DLGAP2: variants seen among roughly 807,000 people sequenced by gnomAD.
DLGAP2 encodes the protein disks large-associated protein 2.
In DLGAP2, 26 loss-of-function variants were observed where a neutral mutation model predicts 100.3. The ratio of observed to expected loss-of-function variants is 0.26; its 90% CI spans 0.19 to 0.36. The LOEUF (loss-of-function observed/expected upper bound fraction) is 0.36. Ranked by LOEUF, DLGAP2 falls within the 10% of genes least tolerant of loss-of-function variation. DLGAP2 has a pLI of 1.00. For synonymous variants in DLGAP2, 886 were observed against 630.1 expected (o/e 1.41, Z -6.08); for missense variants, 1,858 against 1,453.2 (o/e 1.28, Z -4.53).
chr8:1,433,564 G>A (rs895459790), intron 3 of DLGAP2, among the ~76,000 whole-genome samples: 1 of 152,184 alleles, frequency 6.6e-6, no homozygotes, highest in Non-Finnish European at 1.5e-5. Flanking sequence ...CACATTTGAA[G>A]AATAGTCCTA....
chr8:919,683 C>G (rs1026869383), intron 2 of DLGAP2, among the ~76,000 whole-genome samples: 2 of 152,170 alleles, frequency 1.3e-5, no homozygotes, highest in African/African-American at 4.8e-5. Flanking sequence ...GAGGAAACTG[C>G]ACCAGGGAAG....
chr8:1,514,850 A>G (rs1477306169), intron 4 of DLGAP2, among the ~76,000 whole-genome samples: 3 of 152,198 alleles, frequency 2.0e-5, no homozygotes, highest in Non-Finnish European at 4.4e-5. Context: ...GATGCCACCC[A>G]GAGTCTGACA....
intron 3 of DLGAP2, among the ~76,000 whole-genome samples, chr8:1,414,615 C>T (rs1268159519): frequency 1.3e-5 from 2 of 152,198 alleles, no homozygotes; most frequent in South Asian, 2.1e-4. Context: ...AGCGGAGCTG[C>T]CCGGCAGCTG....
intron 1 of DLGAP2, among the ~76,000 whole-genome samples, chr8:774,403 T>C (rs1172850506): frequency 6.6e-6 from 1 of 152,244 alleles, no homozygotes; most frequent in Non-Finnish European, 1.5e-5. Context: ...TTTTGGCGTT[T>C]TAGACATGAA....
intron 3 of DLGAP2, among the ~76,000 whole-genome samples, chr8:1,284,817 C>T (rs78452086): frequency 6.6e-6 from 1 of 152,222 alleles, no homozygotes; most frequent in African/African-American, 2.4e-5. Flanking sequence ...CACTGTGTTG[C>T]GTAGGCTGGT....
chr8:1,218,038 C>G (rs1798246750), intron 2 of DLGAP2, among the ~76,000 whole-genome samples: 1 of 152,134 alleles, frequency 6.6e-6, no homozygotes, highest in Admixed American at 6.6e-5. Flanking sequence ...TTCTCCCATT[C>G]TATAAGTTGT....
At chr8:1,320,299 G>A (rs1400012467) in intron 3 of DLGAP2, among the ~76,000 whole-genome samples, 2 of 152,084 alleles carry the variant, frequency 1.3e-5, no homozygotes, top group African/African-American at 4.8e-5. Flanking sequence ...ACACAAGGTG[G>A]CAGCTACCAG....
rs189821907 is a variant in DLGAP2, at chr8:854,067, G to C, written c.19-53845G>C. ...AGGCCCTCGGCAGAGAGTGGAATCC[G>C]CTGTGCCTGGTTGGTGGACTTCCAG... On this transcript the variant is annotated intron_variant, in intron 1 of 14. Transcript: ENST00000637795. Among the ~76,000 whole-genome samples the C allele has an allele frequency of 1.4e-4, 21 of 152,188 alleles. 1 individual carries two copies. The highest frequency in any genetic ancestry group is 5.1e-4 in the African/African-American group (21 of 41,434).
chr8:1,310,334 A>G (rs1388179311), intron 3 of DLGAP2, among the ~76,000 whole-genome samples: 1 of 152,244 alleles, frequency 6.6e-6, no homozygotes, highest in Non-Finnish European at 1.5e-5. Context: ...TTTTAAATAT[A>G]TATGTACCAA....
intron 2 of DLGAP2, among the ~76,000 whole-genome samples, chr8:1,257,811 T>A (rs1328455891): frequency 6.6e-6 from 1 of 152,214 alleles, no homozygotes; most frequent in Non-Finnish European, 1.5e-5. Context: ...AGTCTTGATA[T>A]CTGACGCACA....
At chr8:1,278,266 C>G (rs914131647) in intron 3 of DLGAP2, among the ~76,000 whole-genome samples, 56 of 152,158 alleles carry the variant, frequency 3.7e-4, no homozygotes, top group African/African-American at 1.3e-3. Context: ...AAAAGAAGAT[C>G]TATATTCTTT....
At chr8:1,693,655 C>A (rs1799309054) in intron 13 of DLGAP2, among the ~76,000 whole-genome samples, 1 of 152,134 alleles carries the variant, frequency 6.6e-6, no homozygotes, top group Non-Finnish European at 1.5e-5. Flanking sequence ...GCCAGAGTTG[C>A]CATCTCATGT....
intron 3 of DLGAP2, among the ~76,000 whole-genome samples, chr8:1,429,415 G>A (rs1217390569): frequency 1.3e-5 from 2 of 152,082 alleles, no homozygotes; most frequent in African/African-American, 2.4e-5. Flanking sequence ...GAGCTCATGG[G>A]GTCCAGGATT....
intron 3 of DLGAP2, among the ~76,000 whole-genome samples, chr8:1,487,870 C>T (rs948224934): frequency 1.3e-5 from 2 of 152,232 alleles, no homozygotes; most frequent in African/African-American, 4.8e-5. Context: ...TTACCCGTAA[C>T]TGGGAGGACA....
At chr8:1,209,760 T>A (rs950300840) in intron 2 of DLGAP2, among the ~76,000 whole-genome samples, 3 of 152,152 alleles carry the variant, frequency 2.0e-5, no homozygotes, top group African/African-American at 7.2e-5. Context: ...TAGTCATAAG[T>A]GAGCTTATTT....
intron 3 of DLGAP2, among the ~76,000 whole-genome samples, chr8:1,280,288 C>T (rs574689638): frequency 3.3e-5 from 5 of 152,210 alleles, no homozygotes; most frequent in African/African-American, 9.6e-5. Context: ...AGTTTATAGC[C>T]GGGCTGTACT....
Position 1,267,623 on chromosome 8 carries a change from T to TAAAAAA in DLGAP2, c.106+8743_106+8744insAAAAAA, listed in dbSNP as rs57138660. ...TAAGATAAGATAAGATAAGATAAGATAAATATTAAATAGGTCTACAAAAAG... is the reference window on the plus strand; with the variant it reads ...TAAGATAAGATAAGATAAGATAAGATAAAAAAAAATATTAAATAGGTCTACAAAAAG... On this transcript the variant is annotated intron_variant, in intron 3 of 14. Transcript: ENST00000637795. 8.5e-4 allele frequency among the ~76,000 whole-genome samples: 65 copies of TAAAAAA among 76,622 alleles called. 3 individuals carry two copies. The highest frequency in any genetic ancestry group is 4.0e-3 in the African/African-American group (60 of 15,158). 50.3% of individuals were successfully genotyped at this position (76,622 alleles called of 152,430 possible).
At chr8:1,389,002 G>C (rs974724772) in intron 3 of DLGAP2, among the ~76,000 whole-genome samples, 2 of 142,844 alleles carry the variant, frequency 1.4e-5, no homozygotes, top group African/African-American at 5.4e-5. Context: ...TGTCAGGGCT[G>C]TGAGAGCAGA....
intron 1 of DLGAP2, among the ~76,000 whole-genome samples, chr8:832,288 C>A (rs1328986209): frequency 6.6e-6 from 1 of 152,182 alleles, no homozygotes; most frequent in Non-Finnish European, 1.5e-5. Context: ...CGTCCTTGCC[C>A]ATGCCTAAGT....
Sources: gnomAD v4.1 joint callset for allele counts (sites outside exome capture counted in the v4.1 genomes callset) on GRCh38, gnomAD v4.1.1 for gene constraint, MANE v1.5 for transcripts, NCBI Gene and HGNC (gene_info 2026-07-23, HGNC 2026-07-21) for gene names.